Variants in PTPRT observed in about 807,000 individuals in gnomAD.
PTPRT encodes the protein protein tyrosine phosphatase receptor type T.
PTPRT carries 56 observed loss-of-function variants against 176.8 expected under a neutral mutation model. The observed-to-expected ratio is 0.32, with a 90% CI of 0.26 to 0.40. The LOEUF (loss-of-function observed/expected upper bound fraction) is 0.40. Among genes scored for constraint, PTPRT ranks in the 10% least tolerant of loss-of-function variants. PTPRT has a pLI of 1.00. For missense variants in PTPRT, 1,540 were observed against 1,908.2 expected, an observed-to-expected ratio of 0.81 and a Z score of 3.60; for synonymous variants, 783 against 739.0, an observed-to-expected ratio of 1.06 and a Z score of -0.96.
intron 16 of PTPRT, among the ~76,000 whole-genome samples, chr20:42,181,707 C>T (rs1990533773): frequency 1.3e-5 from 2 of 152,272 alleles, no homozygotes; most frequent in Non-Finnish European, 1.5e-5. Context: ...ACCACTCAAT[C>T]GTATTCATAG....
intron 7 of PTPRT, among the ~76,000 whole-genome samples, chr20:42,554,938 G>A (rs139982044): frequency 5.2e-4 from 79 of 152,274 alleles, no homozygotes; most frequent in African/African-American, 1.7e-3. Flanking sequence ...TAAGTCAACC[G>A]TTCCAACACA....
At chr20:42,127,414 C>T (rs2146357473) in intron 19 of PTPRT, among the ~76,000 whole-genome samples, 1 of 152,240 alleles carries the variant, frequency 6.6e-6, no homozygotes, top group Non-Finnish European at 1.5e-5. Flanking sequence ...TTCTCTCTCT[C>T]TCTCACACAC....
chr20:42,314,410 T>A (rs573440056), intron 12 of PTPRT, among the ~76,000 whole-genome samples: 30 of 151,332 alleles, frequency 2.0e-4, no homozygotes, highest in Non-Finnish European at 3.1e-4. Context: ...GCACCTGTAG[T>A]CCCAGCTACT....
intron 16 of PTPRT, among the ~76,000 whole-genome samples, chr20:42,181,051 A>G (rs1380321902): frequency 6.6e-6 from 1 of 152,256 alleles, no homozygotes; most frequent in Non-Finnish European, 1.5e-5. Flanking sequence ...ACGTATGCAC[A>G]GCATCTAGCA....
intron 12 of PTPRT, among the ~76,000 whole-genome samples, chr20:42,283,649 T>C (rs1251579550): frequency 1.3e-5 from 2 of 151,976 alleles, no homozygotes; most frequent in Non-Finnish European, 2.9e-5. Flanking sequence ...GGTATGTCCA[T>C]TTTAACCCAA....
chr20:42,963,798 G>A (rs73907431), intron 1 of PTPRT, among the ~76,000 whole-genome samples: 3,925 of 152,114 alleles, frequency 0.026, 191 homozygotes, highest in African/African-American at 0.09. Context: ...TAAGTTTTAG[G>A]AAAAATTAAA....
In PTPRT at chr20:42,406,461, C is replaced by T. The variant is rs142778410; in HGVS notation, c.1560+41759G>A. On this transcript the variant is annotated intron_variant, in intron 9 of 30. Transcript: ENST00000373187. ...TCTAGTAAATAAAATGAAATTCAAC[C>T]GAGGAGAAGAAAATCACGTAACAGT... is the stretch of plus-strand genomic sequence containing the variant. Among the ~76,000 whole-genome samples the T allele has an allele frequency of 7.6e-3, 1,157 of 151,696 alleles. 1 individual carries two copies. Among genetic ancestry groups the T allele is most frequent in the Admixed American group, 0.013 (194 of 15,210 alleles).
At chr20:42,187,548 T>C (rs1409773734) in intron 16 of PTPRT, among the ~76,000 whole-genome samples, 1 of 152,240 alleles carries the variant, frequency 6.6e-6, no homozygotes, top group African/African-American at 2.4e-5. Context: ...AGCTTTTCAA[T>C]CTTTGTGATA....
At chr20:43,074,203 A>C (rs2011222819) in intron 1 of PTPRT, among the ~76,000 whole-genome samples, 1 of 152,210 alleles carries the variant, frequency 6.6e-6, no homozygotes, top group Non-Finnish European at 1.5e-5. Context: ...GTAGATGACT[A>C]TAATATAATT....
At chr20:42,452,739 T>A (rs916260010) in intron 8 of PTPRT, among the ~76,000 whole-genome samples, 4 of 152,216 alleles carry the variant, frequency 2.6e-5, no homozygotes, top group African/African-American at 9.6e-5. Flanking sequence ...AAATTCTCTT[T>A]CTCACACCAG....
At chr20:43,034,643 G>C (rs963748831) in intron 1 of PTPRT, among the ~76,000 whole-genome samples, 1 of 145,438 alleles carries the variant, frequency 6.9e-6, no homozygotes, top group African/African-American at 2.6e-5. Context: ...TGCAGTTTTT[G>C]CCATAAAAAC....
At chr20:42,910,152 C>T (rs2079526754) in intron 1 of PTPRT, among the ~76,000 whole-genome samples, 1 of 152,142 alleles carries the variant, frequency 6.6e-6, no homozygotes, top group Non-Finnish European at 1.5e-5. Flanking sequence ...ACCGCAGCCC[C>T]CAAAGACCAT....
chr20:42,915,814 GTCTTGAGC>G (rs573645602), intron 1 of PTPRT, among the ~76,000 whole-genome samples: 167 of 151,600 alleles, frequency 1.1e-3, no homozygotes, highest in Non-Finnish European at 1.8e-3. Context: ...GCCCAGGCTG[GTCTTGAGC>G]TCCTGGGCTC....
intron 17 of PTPRT, among the ~76,000 whole-genome samples, chr20:42,143,965 T>C (rs1988749995): frequency 6.6e-6 from 1 of 152,188 alleles, no homozygotes; most frequent in African/African-American, 2.4e-5. Flanking sequence ...GGACAACTCT[T>C]GGAAACTCCC....
At chr20:43,019,342 C>T (rs980573395) in intron 1 of PTPRT, among the ~76,000 whole-genome samples, 7 of 152,050 alleles carry the variant, frequency 4.6e-5, no homozygotes, top group Non-Finnish European at 7.4e-5. Context: ...GGGCTGTGGC[C>T]GGGCACAGTG....
intron 17 of PTPRT, among the ~76,000 whole-genome samples, chr20:42,159,493 C>T (rs1989497375): frequency 6.6e-6 from 1 of 151,704 alleles, no homozygotes; most frequent in Admixed American, 6.6e-5. Flanking sequence ...GTTCAACAAG[C>T]AGGTCTGCAT....
At chr20:42,548,863 G>A (rs1365785503) in intron 7 of PTPRT, among the ~76,000 whole-genome samples, 3 of 152,140 alleles carry the variant, frequency 2.0e-5, no homozygotes, top group African/African-American at 7.2e-5. Flanking sequence ...TTGGACTGAT[G>A]CTCCAACTCA....
chr20:42,058,049 C>T, the PTPRT span, among the ~76,000 whole-genome samples: 4 of 152,158 alleles, frequency 2.6e-5, no homozygotes, highest in Non-Finnish European at 2.9e-5. Context: ...TGGAGTCACA[C>T]GAACAGCCTC....
chr20:42,949,141 T>C (rs1981071944), intron 1 of PTPRT, among the ~76,000 whole-genome samples: 1 of 152,260 alleles, frequency 6.6e-6, no homozygotes, highest in South Asian at 2.1e-4. Flanking sequence ...ATCTCCAAGA[T>C]GTCTGCCATC....
Sources: gnomAD v4.1 joint callset for allele counts (sites outside exome capture counted in the v4.1 genomes callset) on GRCh38, gnomAD v4.1.1 for gene constraint, MANE v1.5 for transcripts, NCBI Gene and HGNC (gene_info 2026-07-23, HGNC 2026-07-21) for gene names.